The following KHDRBS2 variants were observed in gnomAD, a reference collection of about 807,000 sequenced individuals.
The protein encoded by KHDRBS2 is KH RNA binding domain containing, signal transduction associated 2.
In KHDRBS2, 26 loss-of-function variants were observed where a neutral mutation model predicts 44.3. The observed-to-expected ratio is 0.59, with a 90% confidence interval of 0.43 to 0.81. The LOEUF is 0.81. Among genes scored for constraint, KHDRBS2 ranks in the 40% least tolerant of loss-of-function variants. The pLI, the probability that KHDRBS2 is intolerant of heterozygous loss-of-function variation, is 0.00. For synonymous variants in KHDRBS2, 194 were observed against 151.1 expected, an observed-to-expected ratio of 1.28 and a Z score of -2.08; for missense variants, 476 against 433.1, an observed-to-expected ratio of 1.10 and a Z score of -0.88.
At chr6:62,257,465 T>G (rs1023477682) in intron 1 of KHDRBS2, among the ~76,000 whole-genome samples, 6 of 152,104 alleles carry the variant, frequency 3.9e-5, no homozygotes, top group Non-Finnish European at 7.4e-5. Context: ...TATAGCTGCA[T>G]GAAGCAATTA....
intron 1 of KHDRBS2, among the ~76,000 whole-genome samples, chr6:62,250,728 C>T (rs558942024): frequency 1.3e-5 from 2 of 151,786 alleles, no homozygotes; most frequent in African/African-American, 2.4e-5. Context: ...GATATTTTCA[C>T]GGTATTGAAG....
At chr6:62,072,180 C>T (rs1408980708) in intron 2 of KHDRBS2, among the ~76,000 whole-genome samples, 4 of 152,026 alleles carry the variant, frequency 2.6e-5, no homozygotes, top group East Asian at 1.9e-4. Flanking sequence ...GTGATTTTTG[C>T]ACATTGATTT....
the KHDRBS2 span, among the ~76,000 whole-genome samples, chr6:61,635,920 A>G: frequency 1.3e-5 from 2 of 152,058 alleles, no homozygotes; most frequent in Non-Finnish European, 2.9e-5. Flanking sequence ...CATCTCCCAA[A>G]CAGGTCTAGC....
intron 2 of KHDRBS2, among the ~76,000 whole-genome samples, chr6:62,090,666 C>G (rs544590484): frequency 6.6e-6 from 1 of 151,696 alleles, no homozygotes; most frequent in African/African-American, 2.4e-5. Flanking sequence ...CCAGAGAGAA[C>G]AGGGGTACTG....
chr6:61,782,736 T>TAC (rs1470970312), intron 6 of KHDRBS2, among the ~76,000 whole-genome samples: 3 of 109,812 alleles, frequency 2.7e-5, no homozygotes, highest in Non-Finnish European at 4.0e-5. Flanking sequence ...TATATATATA[T>TAC]ATACACACAC....
intron 3 of KHDRBS2, among the ~76,000 whole-genome samples, chr6:61,995,593 C>T (rs1275757739): frequency 6.6e-5 from 10 of 152,124 alleles, no homozygotes; most frequent in Admixed American, 6.6e-4. Context: ...AGAAGCCACT[C>T]AAAAGGCAGG....
chr6:62,221,725 C>G (rs1445558367), intron 1 of KHDRBS2, among the ~76,000 whole-genome samples: 1 of 151,946 alleles, frequency 6.6e-6, no homozygotes, highest in Non-Finnish European at 1.5e-5. Flanking sequence ...ATCCTCTCAA[C>G]AACTGATAAG....
intron 2 of KHDRBS2, among the ~76,000 whole-genome samples, chr6:62,083,145 A>G (rs189788583): frequency 4.6e-5 from 7 of 151,434 alleles, no homozygotes; most frequent in Admixed American, 2.6e-4. Flanking sequence ...CCGATTCTGT[A>G]GCCATAAAAA....
At chr6:61,776,462 C>G (rs1388474800) in intron 6 of KHDRBS2, among the ~76,000 whole-genome samples, 2 of 152,090 alleles carry the variant, frequency 1.3e-5, no homozygotes, top group African/African-American at 2.4e-5. Context: ...ACAACCCTAT[C>G]AAAAAGTGGG....
chr6:61,978,634 C>A (rs1220822966), intron 3 of KHDRBS2, among the ~76,000 whole-genome samples: 1 of 151,962 alleles, frequency 6.6e-6, no homozygotes, highest in Non-Finnish European at 1.5e-5. Context: ...AACTTTCTAG[C>A]CACTTTTTGA....
chr6:62,184,270 T>C (rs1822976466), intron 1 of KHDRBS2, among the ~76,000 whole-genome samples: 1 of 151,634 alleles, frequency 6.6e-6, no homozygotes, highest in Non-Finnish European at 1.5e-5. Context: ...CTAACATGAA[T>C]CACAGAATAC....
chr6:61,789,638 G>T (rs1582853353), intron 6 of KHDRBS2, among the ~76,000 whole-genome samples: 2 of 151,380 alleles, frequency 1.3e-5, no homozygotes, highest in South Asian at 4.1e-4. Context: ...AACAGGCTTT[G>T]GGGTGGCTCT....
intron 1 of KHDRBS2, among the ~76,000 whole-genome samples, chr6:62,238,669 A>G (rs1834091404): frequency 6.7e-6 from 1 of 148,382 alleles, no homozygotes; most frequent in African/African-American, 2.5e-5. Flanking sequence ...ACTGGATGAA[A>G]GGCTTTTAAG....
At chr6:62,079,440 A>G (rs564873612) in intron 2 of KHDRBS2, among the ~76,000 whole-genome samples, 3 of 152,064 alleles carry the variant, frequency 2.0e-5, no homozygotes, top group African/African-American at 7.2e-5. Context: ...AATTAAAAAA[A>G]TTAAAATATA....
chr6:61,905,251 G>C (rs1804748005), intron 4 of KHDRBS2, among the ~76,000 whole-genome samples: 1 of 152,138 alleles, frequency 6.6e-6, no homozygotes, highest in South Asian at 2.1e-4. Context: ...CAGAGAAATT[G>C]TGGCAATAAT....
chr6:61,719,126 A>G (rs1771926833), intron 7 of KHDRBS2, among the ~76,000 whole-genome samples: 1 of 152,178 alleles, frequency 6.6e-6, no homozygotes, highest in Non-Finnish European at 1.5e-5. Context: ...ACATTATTTA[A>G]GAAAAGCAAA....
chr6:62,053,070 C>T (rs902376742), intron 2 of KHDRBS2, among the ~76,000 whole-genome samples: 1 of 152,006 alleles, frequency 6.6e-6, no homozygotes, highest in African/African-American at 2.4e-5. Flanking sequence ...AAACATTTTG[C>T]TCTCTATATT....
At chr6:62,024,478 TTGTCATATCTCACCCTATTTAAAGTG>T in intron 3 of KHDRBS2, among the ~76,000 whole-genome samples, 1 of 151,700 alleles carries the variant, frequency 6.6e-6, no homozygotes, top group Non-Finnish European at 1.5e-5. Flanking sequence ...TACTAAAGTT[TTGTCATATCTCACCCTATTTAAAGTG>T]ATAAATTTTA....
chr6:62,094,546 C>A (rs1275259029), intron 2 of KHDRBS2, among the ~76,000 whole-genome samples: 1 of 151,660 alleles, frequency 6.6e-6, no homozygotes, highest in Non-Finnish European at 1.5e-5. Context: ...TTGATGTAAT[C>A]CCATTTGTTT....
Sources: gnomAD v4.1 joint callset for allele counts (sites outside exome capture counted in the v4.1 genomes callset) on GRCh38, gnomAD v4.1.1 for gene constraint, MANE v1.5 for transcripts, NCBI Gene and HGNC (gene_info 2026-07-23, HGNC 2026-07-21) for gene names.